PDE4D: variants seen among roughly 807,000 people sequenced by gnomAD.
The protein encoded by PDE4D is 3',5'-cyclic-AMP phosphodiesterase 4D.
PDE4D carries 24 observed loss-of-function variants against 87.4 expected under a neutral mutation model. That is an observed-to-expected ratio of 0.27 (90% CI 0.20 to 0.39). PDE4D has a LOEUF of 0.39. Ranked by LOEUF, PDE4D falls within the 10% of genes least tolerant of loss-of-function variation. The pLI, the probability that PDE4D is intolerant of heterozygous loss-of-function variation, is 1.00. For synonymous variants in PDE4D, 384 were observed against 383.2 expected (o/e 1.00, Z -0.02); for missense variants, 714 against 1,041.0 (o/e 0.69, Z 4.32).
rs57413003 is a variant in PDE4D, at chr5:60,322,400, AC to A, written c.-89-136714del. On this transcript the variant is annotated intron_variant, in intron 1 of 16. Coordinates refer to the PDE4D transcript ENST00000502484. Reference sequence around the variant, plus strand: ...CACACACACACACACACACACACACACACACACACACACACAAAACCCTAAC... The same window carrying A: ...CACACACACACACACACACACACACAACACACACACACACAAAACCCTAAC... Among the ~76,000 whole-genome samples the A allele has an allele frequency of 6.9e-4, 104 of 149,800 alleles. 1 individual carries two copies. Among genetic ancestry groups the A allele is most frequent in the East Asian group, 6.8e-3 (33 of 4,866 alleles).
intron 5 of PDE4D, among the ~76,000 whole-genome samples, chr5:59,162,089 T>C (rs1048889094): frequency 1.9e-4 from 29 of 152,364 alleles, no homozygotes; most frequent in Middle Eastern, 3.4e-3. Context: ...TTTGAACTTT[T>C]ACAGAACCTT....
At chr5:59,474,394 T>A (rs988022972) in intron 1 of PDE4D, among the ~76,000 whole-genome samples, 1 of 152,166 alleles carries the variant, frequency 6.6e-6, no homozygotes, top group Non-Finnish European at 1.5e-5. Context: ...AAAGAGTGAA[T>A]GTGTCTACCA....
intron 1 of PDE4D, among the ~76,000 whole-genome samples, chr5:59,300,295 G>A (rs556481191): frequency 4.6e-5 from 7 of 151,888 alleles, no homozygotes. Flanking sequence ...ATTTGCCAGG[G>A]CCTAAATCAG....
intron 1 of PDE4D, among the ~76,000 whole-genome samples, chr5:59,727,044 T>C (rs1756702601): frequency 6.6e-6 from 1 of 152,022 alleles, no homozygotes; most frequent in African/African-American, 2.4e-5. Context: ...ACATACGATA[T>C]ATAATAAGGT....
At chr5:59,324,208 G>A (rs1775235975) in intron 1 of PDE4D, among the ~76,000 whole-genome samples, 3 of 152,108 alleles carry the variant, frequency 2.0e-5, no homozygotes, top group Admixed American at 2.0e-4. Context: ...TGTTCCTACA[G>A]CATCCTGCAT....
intron 1 of PDE4D, among the ~76,000 whole-genome samples, chr5:59,340,707 T>A (rs949819884): frequency 2.0e-5 from 3 of 152,216 alleles, no homozygotes; most frequent in Non-Finnish European, 2.9e-5. Context: ...TAGGTTCTGA[T>A]AACCATCTTT....
intron 1 of PDE4D, among the ~76,000 whole-genome samples, chr5:60,475,272 T>TA (rs1465088987): frequency 6.6e-6 from 1 of 152,164 alleles, no homozygotes; most frequent in Non-Finnish European, 1.5e-5. Flanking sequence ...CAAGGGCAAT[T>TA]AAGTCACTTG....
chr5:60,095,545 T>C (rs1355208990), intron 2 of PDE4D, among the ~76,000 whole-genome samples: 2 of 152,214 alleles, frequency 1.3e-5, no homozygotes, highest in African/African-American at 4.8e-5. Flanking sequence ...GAATTGTTTA[T>C]AATCCTTTGG....
chr5:59,987,011 T>G (rs537684905), intron 3 of PDE4D: 1 of 152,384 alleles, frequency 6.6e-6, no homozygotes, highest in East Asian at 1.9e-4. Context: ...CTCCAGATTT[T>G]GTTCCATCTA....
intron 6 of PDE4D, among the ~76,000 whole-genome samples, chr5:59,016,276 T>TA (rs199858562): frequency 4.2e-4 from 61 of 146,120 alleles, no homozygotes; most frequent in Non-Finnish European, 7.6e-4. Flanking sequence ...TAAAGTGTAA[T>TA]AAAAAAATTA....
intron 1 of PDE4D, among the ~76,000 whole-genome samples, chr5:59,771,485 G>GAAAGAA (rs56311484): frequency 0.013 from 891 of 70,150 alleles, 3 homozygotes; most frequent in Admixed American, 0.018. Context: ...AAGAAAGAAA[G>GAAAGAA]AGAGAGAGAG....
chr5:59,499,244 AAACCTCTAGAGTACAGC>A (rs1807807506), intron 1 of PDE4D, among the ~76,000 whole-genome samples: 1 of 152,020 alleles, frequency 6.6e-6, no homozygotes, highest in Non-Finnish European at 1.5e-5. Context: ...CAACATACCA[AAACCTCTAGAGTACAGC>A]AATGGCAGCG....
chr5:60,475,807 C>A (rs1406402166), intron 1 of PDE4D, among the ~76,000 whole-genome samples: 1 of 135,758 alleles, frequency 7.4e-6, no homozygotes, highest in African/African-American at 2.8e-5. Context: ...AACTTCACTT[C>A]TCTCATCTGT....
At chr5:59,440,876 G>A (rs1235205972) in intron 1 of PDE4D, among the ~76,000 whole-genome samples, 1 of 152,174 alleles carries the variant, frequency 6.6e-6, no homozygotes, top group East Asian at 1.9e-4. Flanking sequence ...AGCCTTGAAG[G>A]AAAAACAAAT....
At chr5:60,405,951 C>T (rs1296365618) in intron 1 of PDE4D, among the ~76,000 whole-genome samples, 2 of 152,188 alleles carry the variant, frequency 1.3e-5, no homozygotes, top group African/African-American at 4.8e-5. Context: ...ATTACACCCA[C>T]AGGGGTTCCT....
intron 2 of PDE4D, among the ~76,000 whole-genome samples, chr5:60,025,628 G>T (rs1470625042): frequency 2.6e-5 from 4 of 151,926 alleles, no homozygotes; most frequent in African/African-American, 9.7e-5. Flanking sequence ...AAGAGACTTA[G>T]AAAGCTTGTG....
chr5:60,062,525 G>A (rs762171319), intron 2 of PDE4D, among the ~76,000 whole-genome samples: 3 of 152,102 alleles, frequency 2.0e-5, no homozygotes, highest in Non-Finnish European at 4.4e-5. Flanking sequence ...CAAGGATCTA[G>A]AACCAGAAAT....
intron 1 of PDE4D, among the ~76,000 whole-genome samples, chr5:59,675,919 T>C (rs1160808626): frequency 6.6e-6 from 1 of 152,118 alleles, no homozygotes; most frequent in African/African-American, 2.4e-5. Context: ...CTCAAAATCC[T>C]GGGCTCCAAT....
intron 1 of PDE4D, chr5:59,768,328 C>A: frequency 3.1e-6 from 5 of 1,598,268 alleles, no homozygotes; most frequent in Non-Finnish European, 4.2e-6. Flanking sequence ...GGGGGAATTT[C>A]TCGGAGAGAT....
Sources: gnomAD v4.1 joint callset for allele counts (sites outside exome capture counted in the v4.1 genomes callset) on GRCh38, gnomAD v4.1.1 for gene constraint, MANE v1.5 for transcripts, NCBI Gene and HGNC (gene_info 2026-07-23, HGNC 2026-07-21) for gene names.